The following ATP8B4 variants were observed in gnomAD, a reference collection of about 807,000 sequenced individuals.
ATP8B4 encodes the protein probable phospholipid-transporting ATPase IM.
A neutral mutation model predicts 145.6 loss-of-function variants in ATP8B4; 133 were observed. The ratio of observed to expected loss-of-function variants is 0.91; its 90% CI spans 0.79 to 1.05. The LOEUF is 1.05. ATP8B4 is among the 50% of genes least tolerant of loss of function. The pLI is 0.00. For missense variants in ATP8B4, 1,458 were observed against 1,425.2 expected (o/e 1.02, Z -0.37); for synonymous variants, 507 against 492.9 (o/e 1.03, Z -0.38).
intron 1 of ATP8B4, among the ~76,000 whole-genome samples, chr15:50,160,714 TA>T (rs1408229499): frequency 6.6e-6 from 1 of 152,126 alleles, no homozygotes; most frequent in Non-Finnish European, 1.5e-5. Flanking sequence ...ATTTCTTTTT[TA>T]TTCTGTTGTG....
chr15:49,897,475 C>T lies in ATP8B4; in HGVS notation c.2514G>A (p.Leu838=). The change falls in exon 23 of 28, where the codon TTG becomes TTA. Residue 838 remains leucine, a synonymous_variant. Coordinates refer to ENST00000284509, the MANE Select transcript of ATP8B4 (RefSeq NM_024837.4). ...IGVGISGQEG[L]QAVLASDYSF... ...AATAGTCGCTGGCTAAGACTGCTTG[C>T]AATCCTTCCTGGCCGCTGATGCCAA... is the stretch of plus-strand genomic sequence containing the variant. 1 of 1,585,316 alleles carries T rather than the reference C, an allele frequency of 6.3e-7. No homozygotes were observed. Among genetic ancestry groups the T allele is most frequent in the African/African-American group, 1.4e-5 (1 of 73,946 alleles).
chr15:49,861,422 G>GTGTGTGTGTC (rs1555390912), intron 27 of ATP8B4, among the ~76,000 whole-genome samples: 16 of 148,366 alleles, frequency 1.1e-4, no homozygotes, highest in Non-Finnish European at 2.2e-4. Flanking sequence ...GTGTGTGTGT[G>GTGTGTGTGTC]TGTCTGTCTG....
chr15:49,925,502 G>A (rs2040632190), intron 16 of ATP8B4, among the ~76,000 whole-genome samples: 1 of 152,134 alleles, frequency 6.6e-6, no homozygotes, highest in Non-Finnish European at 1.5e-5. Context: ...AACTCACAAA[G>A]TTCCCTAAGG....
At chr15:50,045,136 C>T (rs1369602623) in intron 4 of ATP8B4, among the ~76,000 whole-genome samples, 2 of 152,152 alleles carry the variant, frequency 1.3e-5, no homozygotes, top group Non-Finnish European at 2.9e-5. Flanking sequence ...CGGAAAAGTT[C>T]ATTGAGTTAG....
In ATP8B4 at chr15:50,148,077, C is replaced by T. The variant is rs148298052; in HGVS notation, c.-43+34184G>A. On this transcript the variant is annotated intron_variant, in intron 1 of 3. Coordinates refer to the ATP8B4 transcript ENST00000558829. The stretch of plus-strand genomic sequence containing the variant: ...TAATGGGACAATCAGGCAGCAGATG[C>T]CTCCTGGTCTGACACACTGAGAAGG... 1.7e-4 allele frequency among the ~76,000 whole-genome samples: 26 copies of T among 152,242 alleles called. No homozygotes were observed. The East Asian group carries it at 4.6e-3, about 27-fold the overall frequency.
chr15:50,035,918 CA>C (rs1333145114), intron 6 of ATP8B4, among the ~76,000 whole-genome samples: 1 of 152,220 alleles, frequency 6.6e-6, no homozygotes, highest in African/African-American at 2.4e-5. Flanking sequence ...AGGGAAGCCA[CA>C]AGCACCTGGC....
chr15:50,162,632 A>C (rs984385081), intron 1 of ATP8B4, among the ~76,000 whole-genome samples: 1 of 151,934 alleles, frequency 6.6e-6, no homozygotes, highest in South Asian at 2.1e-4. Context: ...TCAGCCTCCC[A>C]AGTAGCTGGG....
chr15:50,177,335 T>A (rs982673427), intron 1 of ATP8B4, among the ~76,000 whole-genome samples: 17 of 152,278 alleles, frequency 1.1e-4, no homozygotes, highest in African/African-American at 3.6e-4. Context: ...CAAAATCAGG[T>A]CTTCTGGCTT....
chr15:49,923,338 C>T, intron 17 of ATP8B4, 41 bp downstream of exon 17: 1 of 1,401,626 alleles, frequency 7.1e-7, no homozygotes, highest in Non-Finnish European at 1.0e-6. Flanking sequence ...TAGGAGATGG[C>T]AAAAGGGCCA....
At chr15:50,107,454 A>G (rs915984075) in intron 1 of ATP8B4, among the ~76,000 whole-genome samples, 2 of 152,188 alleles carry the variant, frequency 1.3e-5, no homozygotes, top group African/African-American at 4.8e-5. Context: ...ATGCAATCCA[A>G]AACTTTTCCT....
intron 1 of ATP8B4, among the ~76,000 whole-genome samples, chr15:50,180,975 G>T (rs1356679538): frequency 6.6e-6 from 1 of 152,102 alleles, no homozygotes; most frequent in Non-Finnish European, 1.5e-5. Context: ...GCATAGTATA[G>T]TTACTAAGAA....
At chr15:50,126,097 C>T (rs1256350492) in intron 1 of ATP8B4, among the ~76,000 whole-genome samples, 4 of 152,056 alleles carry the variant, frequency 2.6e-5, no homozygotes, top group Non-Finnish European at 5.9e-5. Context: ...AAACAGGCTT[C>T]GGAACTACAG....
chr15:50,074,139 C>A lies in ATP8B4; in HGVS notation c.75G>T (p.Lys25Asn), dbSNP rs370898278. 59 of 1,612,934 alleles carry A rather than the reference C, an allele frequency of 3.7e-5. No homozygotes were observed. Among genetic ancestry groups the A allele is most frequent in the Non-Finnish European group, 4.9e-5 (58 of 1,179,316 alleles). The change falls in exon 3 of 28, where the codon AAG becomes AAT. Residue 25 changes from lysine to asparagine, a missense_variant. Transcript: ENST00000284509. ...GTGTTTCACTTACCGCATACTGGAACTTTTCATTATATTCACGGTCATTGG... is the reference window on the plus strand; with the variant it reads ...GTGTTTCACTTACCGCATACTGGAAATTTTCATTATATTCACGGTCATTGG... ...VKANDREYNEKFQYADNRIHT... is the reference protein window; with the variant it reads ...VKANDREYNENFQYADNRIHT...
At chr15:49,982,602 GT>G (rs761661890) in intron 10 of ATP8B4, 8 of 152,000 alleles carry the variant, frequency 5.3e-5, no homozygotes, top group Non-Finnish European at 1.2e-4. Flanking sequence ...AAAGTTTGTG[GT>G]TGCTAAAAAC....
chr15:50,112,390 TGTGG>T, intron 1 of ATP8B4, among the ~76,000 whole-genome samples: 1 of 151,770 alleles, frequency 6.6e-6, no homozygotes, highest in Non-Finnish European at 1.5e-5. Flanking sequence ...TTCCTTTGGG[TGTGG>T]GTGCTCTCCA....
At chr15:50,062,795 C>G (rs1406588597) in intron 3 of ATP8B4, among the ~76,000 whole-genome samples, 1 of 152,086 alleles carries the variant, frequency 6.6e-6, no homozygotes, top group Non-Finnish European at 1.5e-5. Flanking sequence ...ATCAAATATT[C>G]CTTTAGCTCA....
intron 1 of ATP8B4, among the ~76,000 whole-genome samples, chr15:50,167,573 AT>A (rs5812505): frequency 0.99 from 150,269 of 152,276 alleles, 74,179 homozygotes; most frequent in East Asian, 1. Flanking sequence ...GCAAAAACAC[AT>A]TTTTTCAAAT....
At chr15:50,117,407 G>A (rs1197063585) in intron 1 of ATP8B4, among the ~76,000 whole-genome samples, 1 of 151,958 alleles carries the variant, frequency 6.6e-6, no homozygotes, top group African/African-American at 2.4e-5. Flanking sequence ...ACTTTTAGAT[G>A]GTTAGTTAAC....
chr15:49,933,937 A>C, intron 15 of ATP8B4, 80 bp downstream of exon 15: 2 of 1,396,326 alleles, frequency 1.4e-6, no homozygotes, highest in Non-Finnish European at 9.5e-7. Context: ...CTTAATTTGT[A>C]AATCCTTCAA....
Sources: gnomAD v4.1 joint callset for allele counts (sites outside exome capture counted in the v4.1 genomes callset) on GRCh38, gnomAD v4.1.1 for gene constraint, MANE v1.5 for transcripts, NCBI Gene and HGNC (gene_info 2026-07-23, HGNC 2026-07-21) for gene names.